Variants in TM2D1 observed in about 807,000 individuals in gnomAD.
TM2D1 encodes the protein TM2 domain containing 1.
Under a neutral mutation model 28.4 loss-of-function variants are expected in TM2D1, and 15 were observed. That is an observed-to-expected ratio of 0.53 (90% CI 0.35 to 0.81). The LOEUF is 0.81. TM2D1 is among the 40% of genes least tolerant of loss of function. The probability of loss-of-function intolerance (pLI) is 0.01; values close to 1 mark genes in which losing one functional copy is unlikely to be tolerated. For missense variants in TM2D1, 236 were observed against 254.9 expected (o/e 0.93, Z 0.50); for synonymous variants, 93 against 96.2 (o/e 0.97, Z 0.20).
intron 4 of TM2D1, chr1:61,699,937 C>G (rs1022785662): frequency 2.5e-6 from 1 of 400,736 alleles, no homozygotes; most frequent in Non-Finnish European, 4.2e-6. Context: ...ATCAACCCCA[C>G]AGTGAAGACT....
At position 61,710,103 on chromosome 1, in the gene TM2D1, T is replaced by C. The variant is rs549833157; in HGVS notation, c.239-666A>G. Among the ~76,000 whole-genome samples, 7 of 152,260 alleles carry C rather than the reference T, an allele frequency of 4.6e-5. No homozygotes were observed. In the East Asian group the frequency reaches 1.2e-3, roughly 25 times the overall value. ...GACCTTTGGAATGAGAACAACTTAT[T>C]TGGACATTGCTCCTTTCAGAACCTT... On this transcript the variant is annotated intron_variant, in intron 2 of 6. Coordinates refer to ENST00000606498, the MANE Select transcript of TM2D1 (RefSeq NM_032027.3).
chr1:61,702,709 T>C (rs1644411112), intron 3 of TM2D1, among the ~76,000 whole-genome samples: 1 of 151,674 alleles, frequency 6.6e-6, no homozygotes, highest in Middle Eastern at 3.4e-3. Flanking sequence ...TATATAAAGA[T>C]AGTTAATATA....
At chr1:61,711,977 C>T (rs1251549962) in intron 2 of TM2D1, among the ~76,000 whole-genome samples, 1 of 151,942 alleles carries the variant, frequency 6.6e-6, no homozygotes, top group African/African-American at 2.4e-5. Flanking sequence ...GGAGATCCTC[C>T]TGCCTCAGCC....
At chr1:61,712,687 A>G (rs1489022528) in intron 2 of TM2D1, among the ~76,000 whole-genome samples, 4 of 152,144 alleles carry the variant, frequency 2.6e-5, no homozygotes, top group Non-Finnish European at 5.9e-5. Flanking sequence ...CTGGGATTAC[A>G]GGTGTGAGCC....
intron 2 of TM2D1, among the ~76,000 whole-genome samples, chr1:61,716,658 C>T (rs1383821399): frequency 6.7e-6 from 1 of 149,426 alleles, no homozygotes; most frequent in Non-Finnish European, 1.5e-5. Context: ...TTCAACACTT[C>T]GAAGACTAAA....
At chr1:61,710,626 TTA>T (rs1281382704) in intron 2 of TM2D1, among the ~76,000 whole-genome samples, 1 of 151,396 alleles carries the variant, frequency 6.6e-6, no homozygotes, top group Non-Finnish European at 1.5e-5. Context: ...AATCAACATT[TTA>T]GACTGAAAAG....
At chr1:61,700,200 C>A in intron 4 of TM2D1, 1 of 1,537,282 alleles carries the variant, frequency 6.5e-7, no homozygotes, top group Non-Finnish European at 8.8e-7. Context: ...ATGATAACAA[C>A]AAATATGTCA....
chr1:61,701,310 C>CAAAAAAAAAAA (rs10587870), intron 3 of TM2D1, among the ~76,000 whole-genome samples: 32 of 84,070 alleles, frequency 3.8e-4, no homozygotes, highest in East Asian at 8.4e-4. Flanking sequence ...TAAATGTTAA[C>CAAAAAAAAAAA]AAAAAAAAAA....
chr1:61,700,415 T>G, intron 4 of TM2D1: 1 of 1,137,388 alleles, frequency 8.8e-7, no homozygotes, highest in Non-Finnish European at 1.1e-6. Context: ...CTATAGTAAA[T>G]GTGATTACAG....
chr1:61,719,411 G>A (rs1363132306), intron 2 of TM2D1, among the ~76,000 whole-genome samples: 1 of 137,248 alleles, frequency 7.3e-6, no homozygotes, highest in Non-Finnish European at 1.5e-5. Flanking sequence ...TATATACACA[G>A]AGAGAGAGAG....
intron 3 of TM2D1, among the ~76,000 whole-genome samples, chr1:61,701,556 C>CGTGTGTGTGTGTGTGTGTGTGT (rs60257971): frequency 6.9e-6 from 1 of 145,842 alleles, no homozygotes; most frequent in African/African-American, 2.5e-5. Context: ...AATTCTCTTT[C>CGTGTGTGTGTGTGTGTGTGTGT]GTGTGTGTGT....
At chr1:61,705,676 G>A (rs1173822037) in intron 3 of TM2D1, among the ~76,000 whole-genome samples, 1 of 152,076 alleles carries the variant, frequency 6.6e-6, no homozygotes, top group Non-Finnish European at 1.5e-5. Flanking sequence ...TTAGTGGAAA[G>A]GACTCTAAGG....
chr1:61,685,885 C>T (rs138867123), intron 5 of TM2D1, among the ~76,000 whole-genome samples: 15 of 152,186 alleles, frequency 9.9e-5, no homozygotes, highest in Non-Finnish European at 1.8e-4. Flanking sequence ...CCATGGTGTG[C>T]GCTTGTAGTC....
chr1:61,695,167 T>C (rs1274833783), intron 4 of TM2D1, among the ~76,000 whole-genome samples: 1 of 152,024 alleles, frequency 6.6e-6, no homozygotes, highest in Non-Finnish European at 1.5e-5. Flanking sequence ...TTACTATACA[T>C]TTGGAGAGTT....
intron 5 of TM2D1, among the ~76,000 whole-genome samples, chr1:61,693,408 G>A (rs1255591015): frequency 6.6e-6 from 1 of 152,098 alleles, no homozygotes; most frequent in Non-Finnish European, 1.5e-5. Context: ...AAGACACTTT[G>A]AATTCTGGAT....
chr1:61,696,971 T>C (rs1334606751), intron 4 of TM2D1, among the ~76,000 whole-genome samples: 4 of 152,088 alleles, frequency 2.6e-5, no homozygotes, highest in Non-Finnish European at 4.4e-5. Flanking sequence ...TTTTTGATTA[T>C]AATAACTGTA....
At chr1:61,684,854 C>T (rs780683154) in intron 5 of TM2D1, among the ~76,000 whole-genome samples, 9 of 152,188 alleles carry the variant, frequency 5.9e-5, no homozygotes, top group Non-Finnish European at 1.0e-4. Flanking sequence ...TCTTGGCTCA[C>T]TGCAACCTCC....
chr1:61,686,541 T>C (rs1478313032), intron 5 of TM2D1, among the ~76,000 whole-genome samples: 4 of 151,652 alleles, frequency 2.6e-5, no homozygotes, highest in Non-Finnish European at 5.9e-5. Flanking sequence ...TGCACACCTG[T>C]AATCCCAGCT....
At chr1:61,715,344 T>C (rs1644508746) in intron 2 of TM2D1, among the ~76,000 whole-genome samples, 1 of 151,988 alleles carries the variant, frequency 6.6e-6, no homozygotes, top group African/African-American at 2.4e-5. Flanking sequence ...ATGGGACATA[T>C]CTTTTATACT....
Sources: gnomAD v4.1 joint callset for allele counts (sites outside exome capture counted in the v4.1 genomes callset) on GRCh38, gnomAD v4.1.1 for gene constraint, MANE v1.5 for transcripts, NCBI Gene and HGNC (gene_info 2026-07-23, HGNC 2026-07-21) for gene names.